Variants in MPST observed in about 807,000 individuals in gnomAD.
MPST encodes 3-mercaptopyruvate sulfurtransferase.
Under a neutral mutation model 28.5 loss-of-function variants are expected in MPST, and 27 were observed. The ratio of observed to expected loss-of-function variants is 0.95; its 90% CI spans 0.70 to 1.31. MPST has a LOEUF of 1.31. Among genes scored for constraint, MPST ranks in the 50% most tolerant of loss-of-function variants. The pLI, the probability that MPST is intolerant of heterozygous loss-of-function variation, is 0.00. For missense variants in MPST, 492 were observed against 471.1 expected (o/e 1.04, Z -0.41); for synonymous variants, 204 against 209.3 (o/e 0.97, Z 0.22).
chr22:37,024,550 G>A lies in MPST; in HGVS notation c.395G>A (p.Arg132His), dbSNP rs1425281983. Residue 132 changes from arginine (R) to histidine (H), a missense_variant, in exon 2 of 3, where the codon CGC (arginine) becomes CAC (histidine). Physicochemically the swap from Arg to His is conservative, Grantham distance 29. Transcript: ENST00000429360. Reference protein sequence around the residue: ...ASDQGLYSAPRVWWMFRAFGH... With the variant: ...ASDQGLYSAPHVWWMFRAFGH... ...GACCAGGGCCTCTACTCCGCCCCGC[G>A]CGTCTGGTGGATGTTCCGCGCCTTC... The A allele has an allele frequency of 6.3e-7, 1 of 1,575,920 alleles. No homozygotes were observed. Among genetic ancestry groups the A allele is most frequent in the Non-Finnish European group, 8.6e-7 (1 of 1,167,078 alleles).
chr22:37,029,523 A>G lies in MPST; in HGVS notation c.*9A>G, dbSNP rs189755753. 392 of 1,592,636 alleles carry G rather than the reference A, an allele frequency of 2.5e-4. 1 individual carries two copies. The African/African-American group carries it at 4.7e-3, about 19-fold the overall frequency. ...GGGGGAAGACCCACTGAAGCTGGGCAGGACACAGGCGAGCTCAGGTGATGC... is the reference window on the plus strand; with the variant it reads ...GGGGGAAGACCCACTGAAGCTGGGCGGGACACAGGCGAGCTCAGGTGATGC... On this transcript the variant is annotated 3_prime_UTR_variant, in exon 3 of 3. Transcript: ENST00000429360.
chr22:37,024,883 A>C (rs1453856923), intron 2 of MPST, 73 bp downstream of exon 2: 2 of 1,556,964 alleles, frequency 1.3e-6, no homozygotes, highest in Non-Finnish European at 1.7e-6. Context: ...CCTGGACTTG[A>C]CCTTTCTTTT....
In MPST at chr22:37,024,185, C is replaced by A; in HGVS notation, c.37-7C>A. ...GCTTCCCTTCTGACATCCTCCCTGT[C>A]GCCCAGGCCCGCAGCCCGAGTGTCG... On this transcript the variant is annotated splice_polypyrimidine_tract_variant and splice_region_variant and intron_variant, in intron 1 of 2. Coordinates refer to ENST00000429360, the MANE Select transcript of MPST (RefSeq NM_021126.8). 7.3e-7 allele frequency: 1 copy of A among 1,373,796 alleles called. No individual in the cohort carries two copies. Among genetic ancestry groups the A allele is most frequent in the South Asian group, 1.7e-5 (1 of 60,044 alleles). 85.1% of individuals were successfully genotyped at this position (1,373,796 alleles called of 1,614,324 possible). A position where few individuals can be genotyped will look rare whatever the true frequency, so the allele number is the denominator to read the frequency against.
At chr22:37,027,609 T>C (rs1016033949) in intron 2 of MPST, 1 of 151,978 alleles carries the variant, frequency 6.6e-6, no homozygotes, top group Non-Finnish European at 1.5e-5. Context: ...AAGCCTGAGT[T>C]CCCCCTGCAG....
rs1042782286 is a variant in MPST, at chr22:37,024,798, G to A, written c.643G>A (p.Glu215Lys). ...ATGRFRGTEPEPRDGIEPGHI... is the reference protein window; with the variant it reads ...ATGRFRGTEPKPRDGIEPGHI... ...TGGCAGGTTCCGCGGCACCGAGCCC[G>A]AGCCCCGAGACGGTAACGCGGGGGA... is the stretch of plus-strand genomic sequence containing the variant. Residue 215 changes from glutamate (E) to lysine (K), a missense_variant, in exon 2 of 3, where the codon GAG (glutamate) becomes AAG (lysine). Physicochemically the swap from Glu to Lys is moderately conservative, Grantham distance 56. Transcript: ENST00000429360. 4 of 1,603,314 alleles carry A rather than the reference G, an allele frequency of 2.5e-6. No homozygotes were observed. Among genetic ancestry groups the A allele is most frequent in the Admixed American group, 1.7e-5 (1 of 59,936 alleles).
rs781456635 is a variant in MPST, at chr22:37,024,237, C to A, written c.82C>A (p.Arg28Ser). ...CGCCATGGCTTCGCCGCAGCTCTGC[C>A]GCGCGCTGGTGTCGGCGCAATGGGT... ...VAAMASPQLCRALVSAQWVAE... is the reference protein window; with the variant it reads ...VAAMASPQLCSALVSAQWVAE... Residue 28 changes from arginine to serine, a missense_variant, in exon 2 of 3, where the codon CGC becomes AGC. By Grantham distance (110) the Arg-to-Ser change is moderately radical. Coordinates refer to ENST00000429360, the MANE Select transcript of MPST (RefSeq NM_021126.8). The A allele has an allele frequency of 7.1e-7, 1 of 1,412,530 alleles. No individual in the cohort carries two copies. Among genetic ancestry groups the A allele is most frequent in the South Asian group, 1.5e-5 (1 of 65,614 alleles). 87.5% of individuals were successfully genotyped at this position (1,412,530 alleles called of 1,614,324 possible).
chr22:37,022,697 G>A (rs1318342216), intron 1 of MPST, among the ~76,000 whole-genome samples: 1 of 152,212 alleles, frequency 6.6e-6, no homozygotes, highest in Non-Finnish European at 1.5e-5. Flanking sequence ...CCCGCCCAAG[G>A]CTGCGGTGCC....
At chr22:37,023,477 T>G (rs1042160642) in intron 1 of MPST, 5 of 152,582 alleles carry the variant, frequency 3.3e-5, no homozygotes, top group African/African-American at 1.2e-4. Context: ...TTGGCCAGAC[T>G]GGTTTCAAAC....
rs1326107631 is a variant in MPST, at chr22:37,029,396, T to G, written c.836T>G (p.Leu279Arg). ...GGCGTCACAGCCTGCCACGTGGCACTAGGGGCCTACCTCTGCGGCAAGCCA... is the reference window on the plus strand; with the variant it reads ...GGCGTCACAGCCTGCCACGTGGCACGAGGGGCCTACCTCTGCGGCAAGCCA... The part of the protein sequence containing the change: ...GSGVTACHVA[L>R]GAYLCGKPDV... The change falls in exon 3 of 3, where the codon CTA (leucine) becomes CGA (arginine). Residue 279 changes from leucine (L) to arginine (R), a missense_variant. By Grantham distance (102) the Leu-to-Arg change is moderately radical. Coordinates refer to ENST00000429360, the MANE Select transcript of MPST (RefSeq NM_021126.8). 6.2e-7 allele frequency: 1 copy of G among 1,613,956 alleles called. No homozygotes were observed. Among genetic ancestry groups the G allele is most frequent in the Non-Finnish European group, 8.5e-7 (1 of 1,180,048 alleles).
At chr22:37,021,728 C>T (rs909082983) in intron 1 of MPST, among the ~76,000 whole-genome samples, 7 of 152,116 alleles carry the variant, frequency 4.6e-5, no homozygotes, top group Non-Finnish European at 1.0e-4. Flanking sequence ...GCCTTGGCCT[C>T]CCGAAGTGCT....
chr22:37,024,506 C>T lies in MPST; in HGVS notation c.351C>T (p.Val117=). 1 of 1,563,922 alleles carries T rather than the reference C, an allele frequency of 6.4e-7. No homozygotes were observed. Among genetic ancestry groups the T allele is most frequent in the Non-Finnish European group, 8.6e-7 (1 of 1,158,990 alleles). Reference sequence around the variant, plus strand: ...TGGGCGTGGGCGCGGCCACCCACGTCGTGATCTACGACGCCAGCGACCAGG... The same window carrying T: ...TGGGCGTGGGCGCGGCCACCCACGTTGTGATCTACGACGCCAGCGACCAGG... ...GRLGVGAATH[V]VIYDASDQGL... is the part of the protein sequence containing the mutation. The change falls in exon 2 of 3, where the codon GTC becomes GTT. Residue 117 remains valine (V), a synonymous_variant. Coordinates refer to ENST00000429360, the MANE Select transcript of MPST (RefSeq NM_021126.8).
At position 37,024,795 on chromosome 22, in the gene MPST, C is replaced by A; in HGVS notation, c.640C>A (p.Pro214Thr). Residue 214 changes from proline to threonine, a missense_variant, in exon 2 of 3, where the codon CCC (proline) becomes ACC (threonine). Physicochemically the swap from Pro to Thr is conservative, Grantham distance 38 (BLOSUM62 -1). Coordinates refer to ENST00000429360, the MANE Select transcript of MPST (RefSeq NM_021126.8). ...RATGRFRGTE[P>T]EPRDGIEPGH... ...CACTGGCAGGTTCCGCGGCACCGAG[C>A]CCGAGCCCCGAGACGGTAACGCGGG... is the stretch of plus-strand genomic sequence containing the variant. 6.2e-7 allele frequency: 1 copy of A among 1,602,942 alleles called. No individual in the cohort carries two copies. The highest frequency in any genetic ancestry group is 8.5e-7 in the Non-Finnish European group (1 of 1,179,452).
rs767918500 is a variant in MPST at position 37,024,502 on chromosome 22, A to C, written c.347A>C (p.His116Pro). ...CGCCTGGGCGTGGGCGCGGCCACCC[A>C]CGTCGTGATCTACGACGCCAGCGAC... ...AGRLGVGAAT[H>P]VVIYDASDQG... Residue 116 changes from histidine to proline, a missense_variant, in exon 2 of 3, where the codon CAC (histidine) becomes CCC (proline). His to Pro is a moderately conservative substitution (Grantham distance 77). Transcript: ENST00000429360. 4 of 1,562,946 alleles carry C rather than the reference A, an allele frequency of 2.6e-6. No individual in the cohort carries two copies. In the Admixed American group the frequency reaches 7.4e-5, roughly 29 times the overall value.
In MPST at chr22:37,024,810, G is replaced by A. The variant is rs778363829; in HGVS notation, c.655G>A (p.Gly219Ser). 1.1e-5 allele frequency: 18 copies of A among 1,603,658 alleles called. No homozygotes were observed. Among genetic ancestry groups the A allele is most frequent in the Non-Finnish European group, 1.5e-5 (18 of 1,179,058 alleles). The stretch of plus-strand genomic sequence containing the variant: ...CGGCACCGAGCCCGAGCCCCGAGAC[G>A]GTAACGCGGGGGAAGGGGGCAGGAG... ...FRGTEPEPRD[G>S]IEPGHIPGTV... Residue 219 changes from glycine to serine, a missense_variant and splice_region_variant, in exon 2 of 3, where the codon GGC becomes AGC. Physicochemically the swap from Gly to Ser is moderately conservative, Grantham distance 56. Transcript: ENST00000429360.
Position 37,024,215 on chromosome 22 carries a change from C to A in MPST, c.60C>A (p.Ala20=), listed in dbSNP as rs1333050235. The A allele has an allele frequency of 7.2e-7, 1 of 1,384,398 alleles. No individual in the cohort carries two copies. The highest frequency in any genetic ancestry group is 1.6e-5 in the South Asian group (1 of 61,726). 85.8% of individuals were successfully genotyped at this position (1,384,398 alleles called of 1,614,324 possible). A position where few individuals can be genotyped will look rare whatever the true frequency, so the allele number is the denominator to read the frequency against. ...ETRARSPSVA[A]MASPQLCRAL... is the part of the protein sequence containing the mutation. ...AGGCCCGCAGCCCGAGTGTCGCCGC[C>A]ATGGCTTCGCCGCAGCTCTGCCGCG... Residue 20 remains alanine, a synonymous_variant, in exon 2 of 3, where the codon GCC becomes GCA. Transcript: ENST00000429360.
intron 2 of MPST, chr22:37,026,356 G>A (rs1364330359): frequency 1.3e-5 from 2 of 152,122 alleles, no homozygotes; most frequent in African/African-American, 2.4e-5. Flanking sequence ...ACTCAGCTCC[G>A]GGTTTTCATG....
Position 37,024,210 on chromosome 22 carries a change from G to T in MPST, c.55G>T (p.Ala19Ser), listed in dbSNP as rs1317087515. The T allele has an allele frequency of 2.2e-6, 3 of 1,379,646 alleles. No homozygotes were observed. The highest frequency in any genetic ancestry group is 5.9e-5 in the East Asian group (2 of 33,794). The allele number at this position is 1,379,646 out of a possible 1,614,324, so 85.5% of individuals were successfully genotyped here. ...CGCCCAGGCCCGCAGCCCGAGTGTC[G>T]CCGCCATGGCTTCGCCGCAGCTCTG... ...SETRARSPSV[A>S]AMASPQLCRA... The change falls in exon 2 of 3, where the codon GCC becomes TCC. Residue 19 changes from alanine (A) to serine (S), a missense_variant. By Grantham distance (99) the Ala-to-Ser change is moderately conservative (BLOSUM62 1). Transcript: ENST00000429360.
intron 1 of MPST, chr22:37,023,876 C>A: frequency 2.7e-6 from 4 of 1,469,968 alleles, no homozygotes; most frequent in Non-Finnish European, 3.6e-6. Context: ...TTGAAGCCAG[C>A]AGGGCCTTGC....
In MPST at chr22:37,029,540, A is replaced by G. The variant is rs1164104313; in HGVS notation, c.*26A>G. On this transcript the variant is annotated 3_prime_UTR_variant, in exon 3 of 3. Transcript: ENST00000429360. Reference sequence around the variant, plus strand: ...AGCTGGGCAGGACACAGGCGAGCTCAGGTGATGCCGGCCACCAGCAATGCC... The same window carrying G: ...AGCTGGGCAGGACACAGGCGAGCTCGGGTGATGCCGGCCACCAGCAATGCC... The G allele has an allele frequency of 3.8e-6, 6 of 1,563,742 alleles. No individual in the cohort carries two copies. The South Asian group carries it at 6.9e-5, about 18-fold the overall frequency.
Sources: allele counts gnomAD v4.1 joint callset (sites outside exome capture counted in the v4.1 genomes callset), GRCh38; gene constraint gnomAD v4.1.1; transcripts MANE v1.5; gene names NCBI Gene and HGNC (gene_info 2026-07-23, HGNC 2026-07-21).